The following TAFA1 variants were observed in gnomAD, a reference collection of about 807,000 sequenced individuals.
TAFA1 encodes the protein TAFA chemokine like family member 1, also known as chemokine-like protein TAFA-1.
A neutral mutation model predicts 18.5 loss-of-function variants in TAFA1; 4 were observed. The observed-to-expected ratio is 0.22, with a 90% CI of 0.11 to 0.49. The LOEUF is 0.49. TAFA1 is among the 20% of genes least tolerant of loss of function. TAFA1 has a pLI of 0.98. For missense variants in TAFA1, 147 were observed against 169.0 expected, an observed-to-expected ratio of 0.87 and a Z score of 0.72; for synonymous variants, 56 against 55.2, an observed-to-expected ratio of 1.01 and a Z score of -0.06.
At chr3:68,144,641 C>T (rs141770579) in intron 2 of TAFA1, among the ~76,000 whole-genome samples, 1 of 152,290 alleles carries the variant, frequency 6.6e-6, no homozygotes, top group East Asian at 1.9e-4. Flanking sequence ...TTAGGCAAAA[C>T]TAAGAATATG....
intron 2 of TAFA1, among the ~76,000 whole-genome samples, chr3:68,374,853 C>T (rs1324772752): frequency 2.0e-5 from 3 of 152,128 alleles, no homozygotes; most frequent in Non-Finnish European, 4.4e-5. Flanking sequence ...ATCTCAGACA[C>T]TTTATCTCTA....
At chr3:68,106,321 G>C (rs2065203675) in intron 2 of TAFA1, among the ~76,000 whole-genome samples, 2 of 152,122 alleles carry the variant, frequency 1.3e-5, no homozygotes, top group Non-Finnish European at 2.9e-5. Flanking sequence ...AATGATGGAA[G>C]TGATCAGCGG....
At chr3:68,384,057 G>A (rs1210970141) in intron 2 of TAFA1, among the ~76,000 whole-genome samples, 1 of 151,662 alleles carries the variant, frequency 6.6e-6, no homozygotes, top group East Asian at 1.9e-4. Flanking sequence ...GTATTTATTT[G>A]GATCCTCTCT....
At chr3:68,316,527 TTC>T (rs1490458827) in intron 2 of TAFA1, among the ~76,000 whole-genome samples, 2 of 152,222 alleles carry the variant, frequency 1.3e-5, no homozygotes, top group East Asian at 1.9e-4. Flanking sequence ...TCCGGGCTTT[TTC>T]TCTCTTTTTT....
intron 2 of TAFA1, among the ~76,000 whole-genome samples, chr3:68,389,501 C>A (rs768202998): frequency 1.3e-5 from 2 of 152,062 alleles, no homozygotes; most frequent in Non-Finnish European, 2.9e-5. Flanking sequence ...AAGGGTATGT[C>A]CATTGAAATA....
chr3:68,481,210 C>G (rs2072231279), intron 3 of TAFA1, among the ~76,000 whole-genome samples: 1 of 152,166 alleles, frequency 6.6e-6, no homozygotes, highest in African/African-American at 2.4e-5. Context: ...AGACTTGATT[C>G]TGTGACAACA....
At chr3:68,283,895 T>G (rs1371714334) in intron 2 of TAFA1, among the ~76,000 whole-genome samples, 1 of 152,206 alleles carries the variant, frequency 6.6e-6, no homozygotes, top group Non-Finnish European at 1.5e-5. Flanking sequence ...GATAAATGGT[T>G]GTGCAGTTTT....
chr3:68,485,651 A>T (rs35411771), intron 3 of TAFA1, among the ~76,000 whole-genome samples: 7,927 of 152,320 alleles, frequency 0.052, 367 homozygotes, highest in Admixed American at 0.14. Context: ...AGAATTCTAT[A>T]TTCAGTCAAT....
Position 68,319,130 on chromosome 3 carries a change from T to G in TAFA1, c.119-98150T>G, listed in dbSNP as rs189782210. 2.9e-4 allele frequency among the ~76,000 whole-genome samples: 44 copies of G among 152,310 alleles called. No homozygotes were observed. In the East Asian group the frequency reaches 6.6e-3, roughly 23 times the overall value. On this transcript the variant is annotated intron_variant, in intron 2 of 4. Transcript: ENST00000478136. ...CACCTTAAGGACATAAAAGAGATAG[T>G]TATAAAAATATTTAATCCCACAAAG...
At chr3:68,149,711 C>A (rs1238624776) in intron 2 of TAFA1, among the ~76,000 whole-genome samples, 3 of 152,208 alleles carry the variant, frequency 2.0e-5, no homozygotes, top group Non-Finnish European at 4.4e-5. Flanking sequence ...CCACCTCCAG[C>A]TTTGGGATAA....
intron 2 of TAFA1, among the ~76,000 whole-genome samples, chr3:68,154,035 G>A (rs2065837205): frequency 6.6e-6 from 1 of 152,112 alleles, no homozygotes; most frequent in African/African-American, 2.4e-5. Flanking sequence ...TTAATGAACA[G>A]CATCCAATTC....
chr3:68,272,062 G>C (rs889538108), intron 2 of TAFA1, among the ~76,000 whole-genome samples: 4 of 152,184 alleles, frequency 2.6e-5, no homozygotes, highest in African/African-American at 9.7e-5. Flanking sequence ...GGAGATCCAA[G>C]CTCTGAGCAG....
chr3:68,288,287 G>A (rs548884143), intron 2 of TAFA1, among the ~76,000 whole-genome samples: 6 of 152,276 alleles, frequency 3.9e-5, no homozygotes, highest in South Asian at 2.1e-4. Context: ...TGCCATAGGC[G>A]CAAAAAGAAC....
chr3:68,444,020 C>A (rs1392480565), intron 3 of TAFA1, among the ~76,000 whole-genome samples: 3 of 152,172 alleles, frequency 2.0e-5, no homozygotes, highest in African/African-American at 7.2e-5. Context: ...TTGTAAATAT[C>A]CCCACTTGGG....
chr3:68,306,751 G>T (rs529871493), intron 2 of TAFA1, among the ~76,000 whole-genome samples: 73 of 152,070 alleles, frequency 4.8e-4, no homozygotes, highest in Admixed American at 7.9e-4. Flanking sequence ...AGCCACCTAG[G>T]TTGCTATCCA....
intron 2 of TAFA1, among the ~76,000 whole-genome samples, chr3:68,111,462 T>G (rs1277157582): frequency 6.6e-6 from 1 of 151,986 alleles, no homozygotes; most frequent in African/African-American, 2.4e-5. Flanking sequence ...AAAAGAATGT[T>G]CCCAGAGAGA....
At chr3:68,523,513 G>A (rs1219249293) in intron 3 of TAFA1, among the ~76,000 whole-genome samples, 1 of 152,116 alleles carries the variant, frequency 6.6e-6, no homozygotes, top group Non-Finnish European at 1.5e-5. Flanking sequence ...CAATGATCAA[G>A]AAGCCATGAA....
At chr3:68,411,677 T>G (rs1375738054) in intron 2 of TAFA1, among the ~76,000 whole-genome samples, 1 of 152,152 alleles carries the variant, frequency 6.6e-6, no homozygotes, top group Admixed American at 6.6e-5. Context: ...AAATAGAATA[T>G]CTCCTTTCTT....
At chr3:68,223,780 T>A (rs2066761013) in intron 2 of TAFA1, among the ~76,000 whole-genome samples, 1 of 152,108 alleles carries the variant, frequency 6.6e-6, no homozygotes, top group Non-Finnish European at 1.5e-5. Context: ...AGGACAAAAG[T>A]AATTTATGGC....
Sources: gnomAD v4.1 joint callset for allele counts (sites outside exome capture counted in the v4.1 genomes callset) on GRCh38, gnomAD v4.1.1 for gene constraint, MANE v1.5 for transcripts, NCBI Gene and HGNC (gene_info 2026-07-23, HGNC 2026-07-21) for gene names.